The following SLC2A14 variants were observed in gnomAD, a reference collection of about 807,000 sequenced individuals.
SLC2A14 encodes solute carrier family 2, facilitated glucose transporter member 14.
In SLC2A14, 13 loss-of-function variants were observed where a neutral mutation model predicts 43.0. That is an observed-to-expected ratio of 0.30 (90% CI 0.20 to 0.48). SLC2A14 has a LOEUF of 0.48. Ranked by LOEUF, SLC2A14 falls within the 20% of genes least tolerant of loss-of-function variation. SLC2A14 has a pLI of 0.99. For missense variants in SLC2A14, 428 were observed against 620.4 expected (o/e 0.69, Z 3.29); for synonymous variants, 190 against 233.8 (o/e 0.81, Z 1.71).
chr12:7,880,140 A>T (rs1056792818), intron 1 of SLC2A14, among the ~76,000 whole-genome samples: 1 of 151,796 alleles, frequency 6.6e-6, no homozygotes, highest in African/African-American at 2.4e-5. Context: ...CATCTCTACT[A>T]AAAATACAAA....
At chr12:7,826,998 CTCCTTTCTCTCTCTCTCTT>C (rs1864513041) in intron 7 of SLC2A14, among the ~76,000 whole-genome samples, 1 of 141,328 alleles carries the variant, frequency 7.1e-6, no homozygotes, top group East Asian at 2.1e-4. Flanking sequence ...CTCTCTTTCT[CTCCTTTCTCTCTCTCTCTT>C]TCTCTCCTTT....
intron 2 of SLC2A14, among the ~76,000 whole-genome samples, chr12:7,835,495 T>C (rs1349473896): frequency 6.6e-6 from 1 of 152,240 alleles, no homozygotes; most frequent in African/African-American, 2.4e-5. Context: ...TGCAGTTATC[T>C]GCAGAATGTA....
chr12:7,865,974 T>A (rs1333846325), intron 2 of SLC2A14, among the ~76,000 whole-genome samples: 1 of 152,020 alleles, frequency 6.6e-6, no homozygotes, highest in Non-Finnish European at 1.5e-5. Flanking sequence ...CCCAACACTT[T>A]GGGAGGCCGA....
intron 2 of SLC2A14, among the ~76,000 whole-genome samples, chr12:7,862,264 CAAAAAAAAAAAAAA>C (rs71038792): frequency 2.0e-4 from 12 of 58,922 alleles, no homozygotes; most frequent in African/African-American, 7.3e-4. Flanking sequence ...ACTTGTCTCT[CAAAAAAAAAAAAAA>C]AAAAAAAAAA....
intron 2 of SLC2A14, among the ~76,000 whole-genome samples, chr12:7,848,786 C>T (rs910526089): frequency 6.6e-6 from 1 of 151,810 alleles, no homozygotes; most frequent in Admixed American, 6.6e-5. Flanking sequence ...GAACTCCTGA[C>T]CTCAGGTGAT....
At chr12:7,839,452 A>T (rs1054160498) in intron 2 of SLC2A14, among the ~76,000 whole-genome samples, 17 of 152,008 alleles carry the variant, frequency 1.1e-4, no homozygotes, top group African/African-American at 4.1e-4. Flanking sequence ...TGTTGAAGAC[A>T]GCTAGGAGTC....
intron 7 of SLC2A14, among the ~76,000 whole-genome samples, chr12:7,824,112 C>T (rs935248304): frequency 1.5e-4 from 23 of 151,566 alleles, no homozygotes; most frequent in African/African-American, 4.6e-4. Flanking sequence ...AAAAATCAGC[C>T]GGGTGTGGTG....
chr12:7,826,909 C>CTTTCTTTCTTTCTTTCTTTCTTTCTT (rs1555121675), intron 7 of SLC2A14, among the ~76,000 whole-genome samples: 5 of 81,244 alleles, frequency 6.2e-5, no homozygotes, highest in African/African-American at 1.2e-4. Flanking sequence ...TTCTTTCTTT[C>CTTTCTTTCTTTCTTTCTTTCTTTCTT]TTTCTTTTTC....
intron 1 of SLC2A14, among the ~76,000 whole-genome samples, chr12:7,884,174 C>T (rs1204548505): frequency 6.6e-6 from 1 of 151,996 alleles, no homozygotes. Flanking sequence ...CCCGCCTCAG[C>T]CTCCCAAAGT....
At position 7,813,991 on chromosome 12, in the gene SLC2A14, A is replaced by G. The variant is rs1592129276; in HGVS notation, c.*325T>C. ...AACTGCACCTTACTTTTCCTCTCCT[A>G]TATCCTCTAGTGCGGCAATATCAGA... On this transcript the variant is annotated 3_prime_UTR_variant, in exon 11 of 11. Coordinates refer to ENST00000431042, the MANE Select transcript of SLC2A14 (RefSeq NM_001286234.2). The G allele has an allele frequency of 8.8e-6, 3 of 342,052 alleles. No individual in the cohort carries two copies. The East Asian group carries it at 1.9e-4, about 22-fold the overall frequency. 21.2% of individuals were successfully genotyped at this position (342,052 alleles called of 1,614,324 possible).
At chr12:7,871,967 CA>C (rs1314738806) in intron 1 of SLC2A14, 52 of 928,100 alleles carry the variant, frequency 5.6e-5, no homozygotes, top group South Asian at 1.0e-4. Context: ...GGAAAAAAAA[CA>C]AAAAAAAGAA....
intron 6 of SLC2A14, among the ~76,000 whole-genome samples, chr12:7,828,313 C>T (rs1021049109): frequency 5.3e-5 from 8 of 151,720 alleles, no homozygotes; most frequent in Admixed American, 2.6e-4. Context: ...TGCAGTGAAC[C>T]GAGATTGCGC....
chr12:7,818,842 C>T (rs1016997815), intron 9 of SLC2A14, among the ~76,000 whole-genome samples: 1 of 151,952 alleles, frequency 6.6e-6, no homozygotes, highest in East Asian at 1.9e-4. Flanking sequence ...TTTTGAATCC[C>T]ATCTATGTGA....
chr12:7,858,484 C>T (rs1592270514), intron 2 of SLC2A14, among the ~76,000 whole-genome samples: 1 of 152,188 alleles, frequency 6.6e-6, no homozygotes, highest in African/African-American at 2.4e-5. Flanking sequence ...CTTTGAAACA[C>T]AAAAATTTTA....
At position 7,829,884 on chromosome 12, in the gene SLC2A14, C is replaced by T; in HGVS notation, c.395G>A (p.Cys132Tyr). The T allele has an allele frequency of 6.2e-7, 1 of 1,614,176 alleles. No homozygotes were observed. Among genetic ancestry groups the T allele is most frequent in the Non-Finnish European group, 8.5e-7 (1 of 1,180,034 alleles). The change falls in exon 5 of 11, where the codon TGC becomes TAC. Residue 132 changes from cysteine (C) to tyrosine (Y), a missense_variant. Physicochemically the swap from Cys to Tyr is radical, Grantham distance 194 (BLOSUM62 -2). Coordinates refer to ENST00000431042, the MANE Select transcript of SLC2A14 (RefSeq NM_001286234.2). ...ILGRLVIGLF[C>Y]GLCTGFVPMY... ...GGGCACAAAACCTGTGCAGAGTCCG[C>T]AGAAGAGGCCAATAACCAAGCGGCC...
intron 1 of SLC2A14, among the ~76,000 whole-genome samples, chr12:7,879,338 A>AC (rs1565587854): frequency 1.3e-5 from 2 of 150,650 alleles, no homozygotes; most frequent in Admixed American, 6.7e-5. Context: ...AACAAAAAAA[A>AC]ACAAAAGTTG....
chr12:7,860,255 G>T (rs2120988039), intron 2 of SLC2A14, among the ~76,000 whole-genome samples: 1 of 152,246 alleles, frequency 6.6e-6, no homozygotes, highest in African/African-American at 2.4e-5. Context: ...AAAGCCCTCA[G>T]AGAAGAGGAT....
chr12:7,854,243 A>G (rs1867169290), intron 2 of SLC2A14, among the ~76,000 whole-genome samples: 1 of 152,214 alleles, frequency 6.6e-6, no homozygotes, highest in Non-Finnish European at 1.5e-5. Context: ...CTCAGTAAAT[A>G]TTTTATCACT....
intron 1 of SLC2A14, among the ~76,000 whole-genome samples, chr12:7,881,963 C>A (rs1013226870): frequency 1.3e-5 from 2 of 152,052 alleles, no homozygotes; most frequent in Non-Finnish European, 2.9e-5. Flanking sequence ...CACCAATCAG[C>A]GCCCTGTCAA....
Sources: allele counts gnomAD v4.1 joint callset (sites outside exome capture counted in the v4.1 genomes callset), GRCh38; gene constraint gnomAD v4.1.1; transcripts MANE v1.5; gene names NCBI Gene and HGNC (gene_info 2026-07-23, HGNC 2026-07-21).